TCF4: variants seen among roughly 807,000 people sequenced by gnomAD.
The protein encoded by TCF4 is SL3-3 enhancer factor 2.
Under a neutral mutation model 82.1 loss-of-function variants are expected in TCF4, and 3 were observed. That is an observed-to-expected ratio of 0.04 (90% CI 0.02 to 0.09). TCF4 has a LOEUF of 0.09. TCF4 is among the 10% of genes least tolerant of loss of function. The probability of loss-of-function intolerance (pLI) is 1.00; values close to 1 mark genes in which losing one functional copy is unlikely to be tolerated. For missense variants in TCF4, 518 were observed against 852.7 expected (o/e 0.61, Z 4.89); for synonymous variants, 276 against 309.6 (o/e 0.89, Z 1.14).
intron 6 of TCF4, among the ~76,000 whole-genome samples, chr18:55,382,049 G>C (rs2091998965): frequency 6.6e-6 from 1 of 151,698 alleles, no homozygotes; most frequent in South Asian, 2.1e-4. Flanking sequence ...CTGACATTTT[G>C]GATACAATAA....
chr18:55,369,581 G>A (rs2088323156), intron 6 of TCF4, among the ~76,000 whole-genome samples: 1 of 152,144 alleles, frequency 6.6e-6, no homozygotes, highest in African/African-American at 2.4e-5. Flanking sequence ...TTCCCCACAA[G>A]CACATCAAGA....
chr18:55,558,120 G>A (rs554182614), intron 3 of TCF4, among the ~76,000 whole-genome samples: 1 of 152,206 alleles, frequency 6.6e-6, no homozygotes, highest in South Asian at 2.1e-4. Flanking sequence ...GCGGCGGTAG[G>A]AGGATCACTT....
chr18:55,279,001 C>T (rs1260355194), intron 9 of TCF4, among the ~76,000 whole-genome samples: 1 of 152,210 alleles, frequency 6.6e-6, no homozygotes, highest in Admixed American at 6.5e-5. Context: ...GTCTTCTCCC[C>T]CAAAAGTTGG....
intron 8 of TCF4, among the ~76,000 whole-genome samples, chr18:55,284,893 A>G (rs2063361840): frequency 6.6e-6 from 1 of 152,194 alleles, no homozygotes; most frequent in Admixed American, 6.5e-5. Flanking sequence ...AGTGCCACTG[A>G]TGTCCACAGA....
chr18:55,538,050 A>G (rs969801592), intron 3 of TCF4, among the ~76,000 whole-genome samples: 18 of 152,082 alleles, frequency 1.2e-4, no homozygotes, highest in Middle Eastern at 3.4e-3. Flanking sequence ...ACACACACAC[A>G]CACACACACA....
intron 6 of TCF4, among the ~76,000 whole-genome samples, chr18:55,353,465 CT>C (rs1323695182): frequency 6.6e-6 from 1 of 152,118 alleles, no homozygotes; most frequent in African/African-American, 2.4e-5. Flanking sequence ...CTGTTTCTTT[CT>C]CCTTAGACCT....
At chr18:55,502,057 C>T (rs545359758) in intron 3 of TCF4, among the ~76,000 whole-genome samples, 1 of 152,308 alleles carries the variant, frequency 6.6e-6, no homozygotes, top group South Asian at 2.1e-4. Context: ...TATGAATTTG[C>T]AATCCCCTAA....
intron 11 of TCF4, chr18:55,264,616 G>C (rs1216286701): frequency 6.7e-6 from 1 of 149,042 alleles, no homozygotes; most frequent in East Asian, 2.0e-4. Context: ...GCATTGAGAA[G>C]TGGGCCATGT....
chr18:55,412,678 G>C (rs1569425072), intron 5 of TCF4, among the ~76,000 whole-genome samples: 1 of 152,282 alleles, frequency 6.6e-6, no homozygotes, highest in South Asian at 2.1e-4. Flanking sequence ...GAGGAGATGG[G>C]TGACATTTCT....
At chr18:55,440,133 C>T (rs909357897) in intron 5 of TCF4, among the ~76,000 whole-genome samples, 7 of 152,188 alleles carry the variant, frequency 4.6e-5, no homozygotes, top group East Asian at 3.9e-4. Flanking sequence ...TGAGCCACCA[C>T]GCCCAGCCAC....
At chr18:55,379,606 G>A (rs934063057) in intron 6 of TCF4, among the ~76,000 whole-genome samples, 5 of 152,130 alleles carry the variant, frequency 3.3e-5, no homozygotes, top group African/African-American at 4.8e-5. Flanking sequence ...CAGGAACAAC[G>A]AACATTTCAG....
intron 8 of TCF4, among the ~76,000 whole-genome samples, chr18:55,290,591 A>G (rs1261125): frequency 0.11 from 16,298 of 152,160 alleles, 1,568 homozygotes; most frequent in African/African-American, 0.26. Flanking sequence ...TGCTAACTAC[A>G]TTATAGTTTG....
chr18:55,332,985 T>G lies in TCF4; in HGVS notation c.549+17374A>C, dbSNP rs186257730. 5.7e-4 allele frequency among the ~76,000 whole-genome samples: 87 copies of G among 152,346 alleles called. No individual in the cohort carries two copies. The Middle Eastern group carries it at 0.01, about 18-fold the overall frequency. The stretch of plus-strand genomic sequence containing the variant: ...ATCTAAATACACAGAAGCCCACATC[T>G]TTTATGAAACAAGCCTAATCGGTCA... On this transcript the variant is annotated intron_variant, in intron 8 of 19. Transcript: ENST00000354452.
At chr18:55,447,938 G>A (rs943460421) in intron 5 of TCF4, among the ~76,000 whole-genome samples, 1 of 141,906 alleles carries the variant, frequency 7.0e-6, no homozygotes, top group Admixed American at 7.6e-5. Context: ...AAAGGCTTTC[G>A]CTCTGAATAT....
intron 8 of TCF4, among the ~76,000 whole-genome samples, chr18:55,319,500 G>C (rs564112610): frequency 1.3e-5 from 2 of 152,192 alleles, no homozygotes; most frequent in Non-Finnish European, 2.9e-5. Context: ...GCTTTCTGCT[G>C]GTGTTCCAAA....
At chr18:55,261,045 T>G (rs1672574590) in intron 12 of TCF4, 1 of 164,088 alleles carries the variant, frequency 6.1e-6, no homozygotes. Context: ...TATGTGACAG[T>G]TCTTCATGGA....
intron 17 of TCF4, chr18:55,230,130 G>A (rs1369675899): frequency 8.2e-6 from 1 of 122,098 alleles, no homozygotes; most frequent in Non-Finnish European, 1.6e-5. Context: ...GGGCAACACA[G>A]CCAGACTCTG....
chr18:55,261,942 AT>A (rs2058163416), intron 11 of TCF4, among the ~76,000 whole-genome samples: 1 of 152,238 alleles, frequency 6.6e-6, no homozygotes, highest in Non-Finnish European at 1.5e-5. Context: ...CTGTTTTCAA[AT>A]AAATAGAAAT....
At chr18:55,596,061 C>T (rs778406097) in intron 2 of TCF4, 12 of 414,430 alleles carry the variant, frequency 2.9e-5, no homozygotes, top group South Asian at 6.9e-5. Context: ...GGTGAAACCC[C>T]GTCTCTACTA....
Sources: allele counts gnomAD v4.1 joint callset (sites outside exome capture counted in the v4.1 genomes callset), GRCh38; gene constraint gnomAD v4.1.1; transcripts MANE v1.5; gene names NCBI Gene and HGNC (gene_info 2026-07-23, HGNC 2026-07-21).